SBK1: variants seen among roughly 807,000 people sequenced by gnomAD.
SBK1 encodes SH3 domain binding kinase 1.
Under a neutral mutation model 24.4 loss-of-function variants are expected in SBK1, and 11 were observed. The ratio of observed to expected loss-of-function variants is 0.45; its 90% CI spans 0.28 to 0.75. The LOEUF (loss-of-function observed/expected upper bound fraction) is 0.75. SBK1 is among the 30% of genes least tolerant of loss of function. The probability of loss-of-function intolerance (pLI) is 0.12; values close to 1 mark genes in which losing one functional copy is unlikely to be tolerated. For missense variants in SBK1, 467 were observed against 620.5 expected, an observed-to-expected ratio of 0.75 and a Z score of 2.63; for synonymous variants, 308 against 284.4, an observed-to-expected ratio of 1.08 and a Z score of -0.83.
chr16:28,300,556 T>C (rs1244935332), intron 1 of SBK1, among the ~76,000 whole-genome samples: 1 of 152,084 alleles, frequency 6.6e-6, no homozygotes, highest in Non-Finnish European at 1.5e-5. Flanking sequence ...ATTCCTAGGC[T>C]CAAGCCATCT....
At position 28,314,474 on chromosome 16, in the gene SBK1, A is replaced by G. The variant is rs557720129; in HGVS notation, c.-7-2911A>G. 9.2e-5 allele frequency among the ~76,000 whole-genome samples: 14 copies of G among 152,076 alleles called. No individual in the cohort carries two copies. In the East Asian group the frequency reaches 2.7e-3, roughly 29 times the overall value. ...GAGTGGCCCAACGCACTATTATTAT[A>G]TCCTTTGTATAGATGAGGAAACTGA... is the stretch of plus-strand genomic sequence containing the variant. On this transcript the variant is annotated intron_variant, in intron 1 of 3. Transcript: ENST00000341901.
At chr16:28,284,436 C>A (rs1034772243) in intron 1 of SBK1, among the ~76,000 whole-genome samples, 1 of 152,194 alleles carries the variant, frequency 6.6e-6, no homozygotes, top group Admixed American at 6.5e-5. Context: ...TGGGCATGGG[C>A]GGGGTCAGGA....
Position 28,320,623 on chromosome 16 carries a change from C to T in SBK1, c.977C>T (p.Ser326Leu). The change falls in exon 4 of 4, where the codon TCG (serine) becomes TTG (leucine). Residue 326 changes from serine to leucine, a missense_variant. By Grantham distance (145) the Ser-to-Leu change is moderately radical (BLOSUM62 -2). Around this residue, in one of 4 missense-constraint regions of SBK1, gnomAD observed 86 missense variants for 121.7 expected, o/e 0.71. Transcript: ENST00000341901. The surrounding 1 kb of genome is among the most constrained non-coding windows in gnomAD (Gnocchi z 8.5). Reference sequence around the variant, plus strand: ...ACGTCCGAGCTGCGCCGCCGGCCCTCGCACCGCGCGCGCAAGCCCCCCGGG... The same window carrying T: ...ACGTCCGAGCTGCGCCGCCGGCCCTTGCACCGCGCGCGCAAGCCCCCCGGG... ...ELTSELRRRPSHRARKPPGDR... is the reference protein window; with the variant it reads ...ELTSELRRRPLHRARKPPGDR... 2 of 1,303,298 alleles carry T rather than the reference C, an allele frequency of 1.5e-6. No homozygotes were observed. Among genetic ancestry groups the T allele is most frequent in the South Asian group, 1.9e-5 (1 of 53,880 alleles). The allele number at this position is 1,303,298 out of a possible 1,614,324, so 80.7% of individuals were successfully genotyped here.
chr16:28,320,447 G>A lies in SBK1; in HGVS notation c.801G>A (p.Val267=), dbSNP rs751766429. 1.9e-6 allele frequency: 3 copies of A among 1,580,416 alleles called. No homozygotes were observed. Among genetic ancestry groups the A allele is most frequent in the African/African-American group, 1.4e-5 (1 of 73,768 alleles). Residue 267 remains valine, a synonymous_variant, in exon 4 of 4, where the codon GTG becomes GTA. Transcript: ENST00000341901. This position sits in a 1 kb window ranked among gnomAD's most constrained non-coding sequence, Gnocchi z 8.5. Reference sequence around the variant, plus strand: ...CCGACGCCTTCTTCGAGGAGTTCGTGCGCTGGCAGCGGGGCCGCCTGCCGG... The same window carrying A: ...CCGACGCCTTCTTCGAGGAGTTCGTACGCTGGCAGCGGGGCCGCCTGCCGG... ...SGADAFFEEF[V]RWQRGRLPGL... is the part of the protein sequence containing the mutation.
chr16:28,272,362 T>C (rs918436808), intron 1 of SBK1, among the ~76,000 whole-genome samples: 1 of 151,798 alleles, frequency 6.6e-6, no homozygotes, highest in Admixed American at 6.6e-5. Context: ...GAGCCCCTGG[T>C]ACAGAGTTAC....
chr16:28,287,380 C>T (rs1204205211), intron 1 of SBK1, among the ~76,000 whole-genome samples: 1 of 143,876 alleles, frequency 7.0e-6, no homozygotes, highest in South Asian at 2.3e-4. Flanking sequence ...ACCTGGGAGG[C>T]GGAGGCTGCA....
At position 28,277,034 on chromosome 16, in the gene SBK1, G is replaced by A. The variant is rs540084102; in HGVS notation, c.257+17532G>A. ...GAGGATAGAAGGGCAGAGCAGAGGG[G>A]GGAGTGCCTGAAATAGAGAACTCAG... is the stretch of plus-strand genomic sequence containing the variant. On this transcript the variant is annotated intron_variant, in intron 1 of 3. Transcript: ENST00000671413. 2.0e-5 allele frequency among the ~76,000 whole-genome samples: 3 copies of A among 152,188 alleles called. No homozygotes were observed. The East Asian group carries it at 5.8e-4, about 30-fold the overall frequency.
At chr16:28,311,374 A>T (rs2044753825) in intron 1 of SBK1, among the ~76,000 whole-genome samples, 1 of 152,160 alleles carries the variant, frequency 6.6e-6, no homozygotes, top group African/African-American at 2.4e-5. Context: ...GAGGCACGGC[A>T]GGGAGGTGGA....
chr16:28,260,853 A>T (rs895472562), intron 1 of SBK1, among the ~76,000 whole-genome samples: 2 of 152,104 alleles, frequency 1.3e-5, no homozygotes, highest in East Asian at 3.9e-4. Flanking sequence ...GGAAGTCAGG[A>T]GGCAAAACAG....
intron 1 of SBK1, among the ~76,000 whole-genome samples, chr16:28,308,706 A>G (rs2044733098): frequency 6.6e-6 from 1 of 151,026 alleles, no homozygotes; most frequent in African/African-American, 2.4e-5. Context: ...TGCTGGGATT[A>G]CAGGCACAAG....
rs574062595 is a variant in SBK1 at position 28,310,388 on chromosome 16, A to T, written c.-7-6997A>T. The stretch of plus-strand genomic sequence containing the variant: ...GAAATACTTTGAGGGTCGAGTTCCC[A>T]CTGAGACTCGGCCCTCTTCTGGGCC... On this transcript the variant is annotated intron_variant, in intron 1 of 3. Transcript: ENST00000341901. 3.3e-5 allele frequency among the ~76,000 whole-genome samples: 5 copies of T among 152,322 alleles called. No individual in the cohort carries two copies. In the East Asian group the frequency reaches 9.7e-4, roughly 29 times the overall value.
intron 1 of SBK1, among the ~76,000 whole-genome samples, chr16:28,302,436 T>C (rs1288370276): frequency 6.6e-6 from 1 of 152,172 alleles, no homozygotes; most frequent in Admixed American, 6.5e-5. Context: ...CCTCGGGACA[T>C]AGAGGGAGGC....
At chr16:28,294,578 C>T (rs1052426085) in intron 1 of SBK1, among the ~76,000 whole-genome samples, 5 of 152,334 alleles carry the variant, frequency 3.3e-5, no homozygotes, top group African/African-American at 1.2e-4. Context: ...CCCCTGGGCA[C>T]GTCCCATTGG....
chr16:28,269,983 T>C (rs2044454485), intron 1 of SBK1, among the ~76,000 whole-genome samples: 1 of 152,158 alleles, frequency 6.6e-6, no homozygotes, highest in East Asian at 1.9e-4. Flanking sequence ...CAAAATTGTA[T>C]AGAGTATCAA....
At chr16:28,311,371 G>A (rs1286070789) in intron 1 of SBK1, among the ~76,000 whole-genome samples, 3 of 152,130 alleles carry the variant, frequency 2.0e-5, no homozygotes, top group Non-Finnish European at 4.4e-5. Context: ...GAGGAGGCAC[G>A]GCAGGGAGGT....
At chr16:28,288,807 T>TG (rs2044582083), upstream of SBK1, among the ~76,000 whole-genome samples, 1 of 152,160 alleles carries the variant, frequency 6.6e-6, no homozygotes, top group South Asian at 2.1e-4. Flanking sequence ...CCAGAACACA[T>TG]GGAGTCCAAA....
rs1596554304 is a variant in SBK1, at chr16:28,317,165, G to T, written c.-7-220G>T. ...AGGGGCTGGTGCCACCAAGCGCAGGGTCTGGCAGTGACTGGTCTTCGGGGA... is the reference window on the plus strand; with the variant it reads ...AGGGGCTGGTGCCACCAAGCGCAGGTTCTGGCAGTGACTGGTCTTCGGGGA... On this transcript the variant is annotated intron_variant, in intron 1 of 3. Transcript: ENST00000341901. This position sits in a 1 kb window ranked among gnomAD's most constrained non-coding sequence, Gnocchi z 4.2. 6.6e-6 allele frequency among the ~76,000 whole-genome samples: 1 copy of T among 152,220 alleles called. No homozygotes were observed. The highest frequency in any genetic ancestry group is 3.4e-3 in the Middle Eastern group (1 of 294).
At chr16:28,274,347 A>T (rs2044483978) in intron 1 of SBK1, among the ~76,000 whole-genome samples, 1 of 152,068 alleles carries the variant, frequency 6.6e-6, no homozygotes, top group African/African-American at 2.4e-5. Flanking sequence ...TCTCTTGGTC[A>T]ATTCAAACGC....
At chr16:28,299,887 T>C (rs1181490110) in intron 1 of SBK1, among the ~76,000 whole-genome samples, 2 of 152,186 alleles carry the variant, frequency 1.3e-5, no homozygotes, top group Admixed American at 6.5e-5. Context: ...TCTCCTGCCC[T>C]TCACTCCCTT....
Sources: gnomAD v4.1 joint callset for allele counts (sites outside exome capture counted in the v4.1 genomes callset) on GRCh38, gnomAD v4.1.1 for gene constraint, gnomAD v4.1.1 regional missense constraint, Gnocchi (gnomAD v3.1) non-coding constraint, MANE v1.5 for transcripts, NCBI Gene and HGNC (gene_info 2026-07-23, HGNC 2026-07-21) for gene names.